GCNT2: variants seen among roughly 807,000 people sequenced by gnomAD.
GCNT2 encodes the protein glucosaminyl (N-acetyl) transferase 2 (I blood group).
GCNT2 carries 34 observed loss-of-function variants against 34.2 expected under a neutral mutation model. The observed-to-expected ratio is 1.00, with a 90% CI of 0.76 to 1.32. GCNT2 has a LOEUF of 1.32. Ranked by LOEUF, GCNT2 falls within the 40% of genes most tolerant of loss-of-function variation. The pLI, the probability that GCNT2 is intolerant of heterozygous loss-of-function variation, is 0.00. For synonymous variants in GCNT2, 212 were observed against 188.0 expected, an observed-to-expected ratio of 1.13 and a Z score of -1.04; for missense variants, 584 against 489.4, an observed-to-expected ratio of 1.19 and a Z score of -1.82.
chr6:10,529,369 C>T lies in GCNT2; in HGVS notation c.458C>T (p.Ala153Val), dbSNP rs1389833207. ...LLSCFPNAFL[A>V]SKKESVVYGG... Reference sequence around the variant, plus strand: ...AGCTGCTTCCCAAATGCTTTTCTGGCTTCCAAGAAGGAGTCGGTTGTCTAT... The same window carrying T: ...AGCTGCTTCCCAAATGCTTTTCTGGTTTCCAAGAAGGAGTCGGTTGTCTAT... Residue 153 changes from alanine (A) to valine (V), a missense_variant, in exon 3 of 5, where the codon GCT (alanine) becomes GTT (valine). Coordinates refer to ENST00000495262, the MANE Select transcript of GCNT2 (RefSeq NM_145649.5). 1 of 1,614,124 alleles carries T rather than the reference C, an allele frequency of 6.2e-7. No individual in the cohort carries two copies. Among genetic ancestry groups the T allele is most frequent in the Admixed American group, 1.7e-5 (1 of 60,016 alleles).
intron 4 of GCNT2, among the ~76,000 whole-genome samples, chr6:10,622,246 C>G (rs1252809262): frequency 6.6e-6 from 1 of 152,164 alleles, no homozygotes; most frequent in Non-Finnish European, 1.5e-5. Context: ...CCAGCATATA[C>G]TGGGCATGAG....
intron 3 of GCNT2, among the ~76,000 whole-genome samples, chr6:10,537,003 G>A (rs1484675674): frequency 2.0e-5 from 3 of 151,766 alleles, no homozygotes; most frequent in African/African-American, 7.3e-5. Context: ...TGACCTGGTG[G>A]TCTGCCCACC....
chr6:10,623,983 C>G (rs1766153926), intron 4 of GCNT2, among the ~76,000 whole-genome samples: 1 of 152,176 alleles, frequency 6.6e-6, no homozygotes, highest in South Asian at 2.1e-4. Context: ...TAACCCTAAT[C>G]ATTACCACCA....
chr6:10,595,697 CT>C (rs1764824177), intron 3 of GCNT2, among the ~76,000 whole-genome samples: 1 of 152,158 alleles, frequency 6.6e-6, no homozygotes, highest in Non-Finnish European at 1.5e-5. Flanking sequence ...AAATGAGAGC[CT>C]TTTCACAATT....
At chr6:10,564,909 A>G (rs1763209438) in intron 3 of GCNT2, among the ~76,000 whole-genome samples, 1 of 152,102 alleles carries the variant, frequency 6.6e-6, no homozygotes, top group Admixed American at 6.5e-5. Flanking sequence ...GACAGCCAAT[A>G]AATAGTAGAG....
At chr6:10,532,012 G>A (rs927549548) in intron 3 of GCNT2, among the ~76,000 whole-genome samples, 14 of 151,918 alleles carry the variant, frequency 9.2e-5, no homozygotes, top group Non-Finnish European at 2.1e-4. Flanking sequence ...CAACTCTGTC[G>A]TTTTGGAAGT....
intron 3 of GCNT2, chr6:10,573,007 T>A (rs1351329752): frequency 1.1e-5 from 2 of 176,600 alleles, no homozygotes; most frequent in Non-Finnish European, 2.2e-5. Flanking sequence ...AAGGAGCTAG[T>A]ATAAGAGTGG....
intron 1 of GCNT2, among the ~76,000 whole-genome samples, chr6:10,522,737 TC>T (rs1383128075): frequency 7.2e-5 from 11 of 152,132 alleles, no homozygotes; most frequent in African/African-American, 2.4e-4. Context: ...AACTTCAAAA[TC>T]CTATCAAGGA....
In GCNT2 at chr6:10,563,335, G is replaced by A. The variant is rs568782109; in HGVS notation, c.925+33499G>A. Reference sequence around the variant, plus strand: ...TAATAATGTCACTCTATTATATTTGGACAATGCTTAATTTGCAAGGGAAAT... The same window carrying A: ...TAATAATGTCACTCTATTATATTTGAACAATGCTTAATTTGCAAGGGAAAT... On this transcript the variant is annotated intron_variant, in intron 3 of 4. Coordinates refer to ENST00000495262, the MANE Select transcript of GCNT2 (RefSeq NM_145649.5). Among the ~76,000 whole-genome samples, 45 of 152,202 alleles carry A rather than the reference G, an allele frequency of 3.0e-4. No homozygotes were observed. In the South Asian group the frequency reaches 9.1e-3, roughly 31 times the overall value.
chr6:10,617,750 C>CTTTTTTTTTTTTTTTTT lies in GCNT2; in HGVS notation c.926-3595_926-3579dup, dbSNP rs3064178. On this transcript the variant is annotated intron_variant, in intron 3 of 4. Transcript: ENST00000495262. ...CACCTGGCCAGAGTCTGCATTTCTT[C>CTTTTTTTTTTTTTTTTT]TTTTTTTTTTTTTTTTTTTTTTGAC... Among the ~76,000 whole-genome samples the CTTTTTTTTTTTTTTTTT allele has an allele frequency of 3.7e-4, 38 of 101,692 alleles. 3 individuals carry two copies. Among genetic ancestry groups the CTTTTTTTTTTTTTTTTT allele is most frequent in the African/African-American group, 1.8e-3 (36 of 19,900 alleles). The allele number at this position is 101,692 out of a possible 152,430, so 66.7% of individuals were successfully genotyped here.
rs903063325 is a variant in GCNT2, at chr6:10,528,757, A to G, written c.-155A>G. The G allele has an allele frequency of 1.2e-5, 8 of 694,800 alleles. No homozygotes were observed. The highest frequency in any genetic ancestry group is 6.7e-5 in the Admixed American group (3 of 45,042). The allele number at this position is 694,800 out of a possible 1,614,324, so 43.0% of individuals were successfully genotyped here. A position where few individuals can be genotyped will look rare whatever the true frequency, so the allele number is the denominator to read the frequency against. On this transcript the variant is annotated 5_prime_UTR_variant, in exon 3 of 5. Coordinates refer to ENST00000495262, the MANE Select transcript of GCNT2 (RefSeq NM_145649.5). The stretch of plus-strand genomic sequence containing the variant: ...AAGAGGGGAAGAAGAAAGAAAAAGG[A>G]CCAGAACCGTGAACTGAAGGGACAG...
chr6:10,624,482 C>G (rs572611076), intron 4 of GCNT2, among the ~76,000 whole-genome samples: 1 of 152,120 alleles, frequency 6.6e-6, no homozygotes, highest in Non-Finnish European at 1.5e-5. Flanking sequence ...AACTGCCCCC[C>G]ACGATTCAAC....
intron 3 of GCNT2, among the ~76,000 whole-genome samples, chr6:10,562,333 A>G (rs979163067): frequency 2.0e-5 from 3 of 152,166 alleles, no homozygotes; most frequent in African/African-American, 7.2e-5. Context: ...TGCTTTTCAC[A>G]GTGGTTACTC....
At chr6:10,559,895 A>G (rs1762895649) in intron 3 of GCNT2, among the ~76,000 whole-genome samples, 1 of 152,206 alleles carries the variant, frequency 6.6e-6, no homozygotes, top group Admixed American at 6.5e-5. Flanking sequence ...TTCACAAATT[A>G]CAAGTGAATT....
intron 1 of GCNT2, among the ~76,000 whole-genome samples, chr6:10,525,014 G>A (rs1332639813): frequency 1.3e-5 from 2 of 152,130 alleles, no homozygotes; most frequent in Non-Finnish European, 2.9e-5. Context: ...CACAGGTGAT[G>A]TCATGGTAAA....
chr6:10,585,841 A>C, intron 3 of GCNT2: 1 of 1,491,682 alleles, frequency 6.7e-7, no homozygotes, highest in Non-Finnish European at 8.9e-7. Flanking sequence ...CAGAGGATAC[A>C]GGAGGATTAA....
intron 3 of GCNT2, among the ~76,000 whole-genome samples, chr6:10,559,971 A>G (rs916651995): frequency 3.9e-5 from 6 of 152,252 alleles, no homozygotes; most frequent in Non-Finnish European, 5.9e-5. Flanking sequence ...AAGGCAGTGG[A>G]AAATCTAATC....
chr6:10,623,580 G>A (rs1198786333), intron 4 of GCNT2, among the ~76,000 whole-genome samples: 2 of 152,102 alleles, frequency 1.3e-5, no homozygotes, highest in Admixed American at 6.5e-5. Context: ...ATGAGCCACC[G>A]CACCCGGCCT....
At chr6:10,533,094 G>A (rs1000210542) in intron 3 of GCNT2, among the ~76,000 whole-genome samples, 1 of 151,646 alleles carries the variant, frequency 6.6e-6, no homozygotes, top group Non-Finnish European at 1.5e-5. Flanking sequence ...ATCGCCTGAA[G>A]TCAGGAGTTC....
Sources: allele counts gnomAD v4.1 joint callset (sites outside exome capture counted in the v4.1 genomes callset), GRCh38; gene constraint gnomAD v4.1.1; transcripts MANE v1.5; gene names NCBI Gene and HGNC (gene_info 2026-07-23, HGNC 2026-07-21).